The following MARK3 variants were observed in gnomAD, a reference collection of about 807,000 sequenced individuals.
The protein encoded by MARK3 is MAP/microtubule affinity-regulating kinase 3.
A neutral mutation model predicts 90.1 loss-of-function variants in MARK3; 46 were observed. The observed-to-expected ratio is 0.51, with a 90% CI of 0.40 to 0.65. The LOEUF (loss-of-function observed/expected upper bound fraction) is 0.65, where lower values mean the gene tolerates loss of function less well. MARK3 is among the 30% of genes least tolerant of loss of function. The pLI is 0.00. For synonymous variants in MARK3, 321 were observed against 332.6 expected (o/e 0.97, Z 0.38); for missense variants, 818 against 947.2 (o/e 0.86, Z 1.79).
chr14:103,395,913 A>G (rs2090551197), intron 1 of MARK3, among the ~76,000 whole-genome samples: 1 of 152,180 alleles, frequency 6.6e-6, no homozygotes, highest in South Asian at 2.1e-4. Flanking sequence ...CAACAGTGGG[A>G]CACACTGTTA....
At chr14:103,412,093 A>G in intron 2 of MARK3, 1 of 656,750 alleles carries the variant, frequency 1.5e-6, no homozygotes, top group Non-Finnish European at 2.3e-6. Flanking sequence ...TTTTACTAGT[A>G]GCAGTAGAAT....
At chr14:103,402,473 A>G (rs540748222) in intron 1 of MARK3, among the ~76,000 whole-genome samples, 252 of 151,966 alleles carry the variant, frequency 1.7e-3, no homozygotes, top group African/African-American at 5.3e-3. Flanking sequence ...AATTGCTTCA[A>G]CCTGGGAGGC....
chr14:103,501,914 A>C (rs1257092940), intron 17 of MARK3, among the ~76,000 whole-genome samples: 1 of 152,220 alleles, frequency 6.6e-6, no homozygotes, highest in Non-Finnish European at 1.5e-5. Context: ...AGCTATGTGC[A>C]TATGCAAAAG....
intron 15 of MARK3, among the ~76,000 whole-genome samples, chr14:103,493,519 A>G (rs1595934519): frequency 6.6e-6 from 1 of 152,228 alleles, no homozygotes; most frequent in Non-Finnish European, 1.5e-5. Context: ...CCCATTCATG[A>G]CCAGCCAGCA....
Position 103,415,372 on chromosome 14 carries a change from G to A in MARK3, c.243+10105G>A, listed in dbSNP as rs191356434. Among the ~76,000 whole-genome samples the A allele has an allele frequency of 2.0e-5, 3 of 152,142 alleles. No homozygotes were observed. The East Asian group carries it at 5.8e-4, about 29-fold the overall frequency. ...CCACAGGATGACCATGAACCAATCA[G>A]AAATGGATATCAAAATGCTCATTTT... On this transcript the variant is annotated intron_variant, in intron 2 of 17. Transcript: ENST00000429436.
chr14:103,393,476 A>C (rs1235589884), intron 1 of MARK3, among the ~76,000 whole-genome samples: 2 of 152,158 alleles, frequency 1.3e-5, no homozygotes, highest in African/African-American at 2.4e-5. Context: ...AAAAAAGTTG[A>C]TCTCTGAAGA....
Position 103,411,019 on chromosome 14 carries a change from A to C in MARK3, c.243+5752A>C, listed in dbSNP as rs186880754. On this transcript the variant is annotated intron_variant, in intron 2 of 17. Transcript: ENST00000429436. Reference sequence around the variant, plus strand: ...GCCGGGTGCAGTGGCTCACGCCTGTAATCCCAGCACTTTGGGAGGCCGAGG... The same window carrying C: ...GCCGGGTGCAGTGGCTCACGCCTGTCATCCCAGCACTTTGGGAGGCCGAGG... Among the ~76,000 whole-genome samples the C allele has an allele frequency of 3.6e-3, 545 of 152,342 alleles. 5 individuals are homozygous for C. The highest frequency in any genetic ancestry group is 0.01 in the Middle Eastern group (3 of 294).
chr14:103,386,232 T>C (rs2089782063), intron 1 of MARK3, 152 bp downstream of exon 1: 1 of 769,824 alleles, frequency 1.3e-6, no homozygotes, highest in Admixed American at 2.0e-5. Flanking sequence ...GTCGGACCGT[T>C]TCCTCCAGAA....
chr14:103,502,300 T>A (rs913233872), intron 17 of MARK3, among the ~76,000 whole-genome samples: 1 of 152,260 alleles, frequency 6.6e-6, no homozygotes, highest in Non-Finnish European at 1.5e-5. Context: ...TTTCTTTAAC[T>A]GTATAATTGG....
intron 1 of MARK3, among the ~76,000 whole-genome samples, chr14:103,398,469 G>T (rs1281401921): frequency 1.3e-5 from 2 of 152,018 alleles, no homozygotes; most frequent in Non-Finnish European, 2.9e-5. Context: ...TGTTTTTTGC[G>T]GGGGTTGGTG....
At chr14:103,389,460 G>A (rs1172464138) in intron 1 of MARK3, among the ~76,000 whole-genome samples, 2 of 136,180 alleles carry the variant, frequency 1.5e-5, no homozygotes, top group Non-Finnish European at 3.1e-5. Context: ...CACAAGAGGT[G>A]AAGGTTGCAG....
At chr14:103,432,813 G>A (rs963629414) in intron 3 of MARK3, among the ~76,000 whole-genome samples, 3 of 152,148 alleles carry the variant, frequency 2.0e-5, no homozygotes, top group African/African-American at 7.2e-5. Flanking sequence ...CTGTGATGGT[G>A]CCCCTGCATT....
intron 5 of MARK3, among the ~76,000 whole-genome samples, chr14:103,452,936 A>G (rs1050327701): frequency 6.6e-6 from 1 of 152,220 alleles, no homozygotes; most frequent in African/African-American, 2.4e-5. Flanking sequence ...GTATGTGGCT[A>G]TTTAAACATA....
intron 2 of MARK3, among the ~76,000 whole-genome samples, chr14:103,427,281 C>A (rs926135941): frequency 1.1e-4 from 16 of 151,426 alleles, no homozygotes; most frequent in African/African-American, 3.6e-4. Context: ...AGGTGGATCA[C>A]CTGGGGTCAG....
intron 2 of MARK3, chr14:103,412,815 A>T (rs2091730117): frequency 2.7e-6 from 1 of 372,584 alleles, no homozygotes; most frequent in Admixed American, 3.8e-5. Context: ...TTTATAAATT[A>T]TTAATAGTTT....
chr14:103,448,550 C>T (rs1211208180), intron 3 of MARK3, among the ~76,000 whole-genome samples: 2 of 152,118 alleles, frequency 1.3e-5, no homozygotes, highest in African/African-American at 2.4e-5. Context: ...GGTTTTGATT[C>T]GCAGAGTTGG....
chr14:103,430,127 T>C (rs537054233), intron 3 of MARK3, among the ~76,000 whole-genome samples: 2 of 152,356 alleles, frequency 1.3e-5, no homozygotes, highest in South Asian at 2.1e-4. Flanking sequence ...TTTTGACTTA[T>C]AATAATAATT....
chr14:103,474,918 C>A (rs2093689688), intron 12 of MARK3, 75 bp from the exon 13 acceptor site: 3 of 1,205,148 alleles, frequency 2.5e-6, no homozygotes, highest in Non-Finnish European at 3.5e-6. Context: ...GATCATCTTA[C>A]AAAATATGGT....
chr14:103,460,647 G>C (rs73353046), intron 6 of MARK3, among the ~76,000 whole-genome samples: 4,481 of 152,254 alleles, frequency 0.029, 247 homozygotes, highest in African/African-American at 0.1. Context: ...TGATCTCTTT[G>C]AGAAAGGGCA....
Sources: allele counts gnomAD v4.1 joint callset (sites outside exome capture counted in the v4.1 genomes callset), GRCh38; gene constraint gnomAD v4.1.1; transcripts MANE v1.5; gene names NCBI Gene and HGNC (gene_info 2026-07-23, HGNC 2026-07-21).